Variants in SLC18B1 observed in about 807,000 individuals in gnomAD.
SLC18B1 encodes the protein solute carrier family 18 member B1.
In SLC18B1, 62 loss-of-function variants were observed where a neutral mutation model predicts 53.9. The ratio of observed to expected loss-of-function variants is 1.15; its 90% confidence interval spans 0.94 to 1.42. The LOEUF is 1.42. Ranked by LOEUF, SLC18B1 falls within the 40% of genes most tolerant of loss-of-function variation. SLC18B1 has a pLI of 0.00. For missense variants in SLC18B1, 598 were observed against 547.3 expected, an observed-to-expected ratio of 1.09 and a Z score of -0.93; for synonymous variants, 217 against 200.9, an observed-to-expected ratio of 1.08 and a Z score of -0.68.
chr6:132,773,358 GC>G (rs1781024184), intron 9 of SLC18B1, among the ~76,000 whole-genome samples: 2 of 152,046 alleles, frequency 1.3e-5, no homozygotes, highest in African/African-American at 4.8e-5. Context: ...CATATCTGGA[GC>G]CAACCTGGCT....
Position 132,771,021 on chromosome 6 carries a change from A to AGACT in SLC18B1, c.1254+11_1254+14dup, listed in dbSNP as rs2114657397. Reference sequence around the variant, plus strand: ...CAAATATAAGGAAAATGCAAATAAAAGACTGATTACTCACACTTATCAGAG... The same window carrying AGACT: ...CAAATATAAGGAAAATGCAAATAAAAGACTGACTGATTACTCACACTTATCAGAG... On this transcript the variant is annotated intron_variant, in intron 12 of 13. Coordinates refer to ENST00000275227, the MANE Select transcript of SLC18B1 (RefSeq NM_052831.3). 4 of 1,611,234 alleles carry AGACT rather than the reference A, an allele frequency of 2.5e-6. No individual in the cohort carries two copies. The East Asian group carries it at 8.9e-5, about 36-fold the overall frequency.
intron 6 of SLC18B1, among the ~76,000 whole-genome samples, chr6:132,782,393 TA>T (rs1352132187): frequency 6.6e-6 from 1 of 152,178 alleles, no homozygotes; most frequent in East Asian, 1.9e-4. Flanking sequence ...CTCACATACT[TA>T]TTTTTTTATG....
chr6:132,792,253 A>AGAGAGAGAGAGAGAGAGAGAG (rs1781547517), intron 2 of SLC18B1, among the ~76,000 whole-genome samples: 1 of 26,038 alleles, frequency 3.8e-5, no homozygotes, highest in East Asian at 7.2e-4. Context: ...GAAAGAAAGA[A>AGAGAGAGAGAGAGAGAGAGAG]AGAAAGAAAG....
Position 132,794,143 on chromosome 6 carries a change from G to A in SLC18B1, c.183+2839C>T, listed in dbSNP as rs575404024. Among the ~76,000 whole-genome samples, 20 of 139,970 alleles carry A rather than the reference G, an allele frequency of 1.4e-4. No homozygotes were observed. The South Asian group carries it at 3.6e-3, about 25-fold the overall frequency. The allele number at this position is 139,970 out of a possible 152,430, so 91.8% of individuals were successfully genotyped here. On this transcript the variant is annotated intron_variant, in intron 2 of 13. Coordinates refer to ENST00000275227, the MANE Select transcript of SLC18B1 (RefSeq NM_052831.3). ...TTTTGAGATGGAGTCTCACTCTGTT[G>A]CCCAGGCTAGAGTGCAGTGGGGCGA...
chr6:132,774,425 T>C, intron 8 of SLC18B1, 112 bp from the exon 9 acceptor site: 1 of 742,754 alleles, frequency 1.3e-6, no homozygotes, highest in Non-Finnish European at 2.2e-6. Context: ...AAAACCCAAA[T>C]ACAATGAAGA....
intron 7 of SLC18B1, 105 bp from the exon 8 acceptor site, chr6:132,776,534 C>T: frequency 1.3e-6 from 1 of 756,146 alleles, no homozygotes; most frequent in Non-Finnish European, 2.1e-6. Context: ...CATGAGTCTA[C>T]TAATAATATT....
chr6:132,788,484 T>A (rs1781440538), intron 4 of SLC18B1, among the ~76,000 whole-genome samples: 1 of 152,148 alleles, frequency 6.6e-6, no homozygotes, highest in Admixed American at 6.5e-5. Context: ...TCTGCTGATA[T>A]AACTGGTCCC....
chr6:132,779,193 C>T, intron 7 of SLC18B1, 75 bp downstream of exon 7: 1 of 1,546,130 alleles, frequency 6.5e-7, no homozygotes, highest in Non-Finnish European at 8.8e-7. Context: ...GGTCTTTCCA[C>T]AGAGCAGGGC....
intron 12 of SLC18B1, 21 bp from the exon 13 acceptor site, chr6:132,770,960 C>G (rs373798849): frequency 1.2e-6 from 2 of 1,611,884 alleles, no homozygotes; most frequent in Admixed American, 3.4e-5. Flanking sequence ...ATTAAAAGTA[C>G]TGATTAATGT....
At position 132,780,287 on chromosome 6, in the gene SLC18B1, T is replaced by TG. The variant is rs556200547; in HGVS notation, c.659-884dup. 2.1e-3 allele frequency among the ~76,000 whole-genome samples: 318 copies of TG among 151,948 alleles called. 3 individuals carry two copies. The highest frequency in any genetic ancestry group is 7.3e-3 in the African/African-American group (303 of 41,440). Reference sequence around the variant, plus strand: ...AGCTAATTTAAAAATTTTTTAGAGATGGGGTCTCCCTATGTTGCCCAGGCT... The same window carrying TG: ...AGCTAATTTAAAAATTTTTTAGAGATGGGGGTCTCCCTATGTTGCCCAGGCT... On this transcript the variant is annotated intron_variant, in intron 6 of 13. Transcript: ENST00000275227.
At chr6:132,798,315 G>T in intron 1 of SLC18B1, 99 bp downstream of exon 1, 1 of 1,280,860 alleles carries the variant, frequency 7.8e-7, no homozygotes. Context: ...CCAATCTCTC[G>T]GAAACAGATC....
intron 13 of SLC18B1, 145 bp from the exon 14 acceptor site, chr6:132,770,481 A>G (rs1780941717): frequency 2.9e-6 from 2 of 681,534 alleles, no homozygotes; most frequent in African/African-American, 1.8e-5. Context: ...CACGCCTGTA[A>G]TCCCAGCATT....
intron 10 of SLC18B1, among the ~76,000 whole-genome samples, chr6:132,772,467 TA>T (rs1177318546): frequency 1.1e-4 from 16 of 152,220 alleles, no homozygotes; most frequent in Admixed American, 2.0e-4. Flanking sequence ...TAAATACTTA[TA>T]AAAATATATA....
At chr6:132,771,298 T>C (rs570885358) in intron 11 of SLC18B1, among the ~76,000 whole-genome samples, 169 bp from the exon 12 acceptor site, 41 of 152,318 alleles carry the variant, frequency 2.7e-4, no homozygotes, top group East Asian at 5.8e-4. Context: ...TAATTCTACC[T>C]GATAATGACA....
intron 11 of SLC18B1, among the ~76,000 whole-genome samples, 180 bp from the exon 12 acceptor site, chr6:132,771,309 T>C (rs893304840): frequency 1.3e-5 from 2 of 152,202 alleles, no homozygotes; most frequent in Non-Finnish European, 2.9e-5. Context: ...GATAATGACA[T>C]TCAAAATTTT....
chr6:132,795,581 A>G (rs973953568), intron 2 of SLC18B1, among the ~76,000 whole-genome samples: 2 of 152,240 alleles, frequency 1.3e-5, no homozygotes, highest in Non-Finnish European at 2.9e-5. Context: ...AACACACAGA[A>G]CGAAGGACTA....
At chr6:132,770,597 A>G (rs139495977) in intron 13 of SLC18B1, among the ~76,000 whole-genome samples, 2,378 of 152,188 alleles carry the variant, frequency 0.016, 53 homozygotes, top group African/African-American at 0.051. Context: ...TTAACTGGGC[A>G]TGGTGACCCA....
At chr6:132,793,336 A>G (rs1235365838) in intron 2 of SLC18B1, among the ~76,000 whole-genome samples, 1 of 152,242 alleles carries the variant, frequency 6.6e-6, no homozygotes, top group East Asian at 1.9e-4. Context: ...ACAAGATTTT[A>G]ATCAGAAATG....
In SLC18B1 at chr6:132,785,997, T is replaced by G. The variant is rs570820772; in HGVS notation, c.501+1437A>C. On this transcript the variant is annotated intron_variant, in intron 5 of 13. Transcript: ENST00000275227. ...GAGTTGTGGAACATTTAATAAAGTA[T>G]CCCTACTCCAGGATTTTCAAGGTCT... Among the ~76,000 whole-genome samples the G allele has an allele frequency of 9.3e-5, 14 of 151,116 alleles. No individual in the cohort carries two copies. In the South Asian group the frequency reaches 2.3e-3, roughly 25 times the overall value.
Sources: allele counts gnomAD v4.1 joint callset (sites outside exome capture counted in the v4.1 genomes callset), GRCh38; gene constraint gnomAD v4.1.1; transcripts MANE v1.5; gene names NCBI Gene and HGNC (gene_info 2026-07-23, HGNC 2026-07-21).